PKD1L1: variants seen among roughly 807,000 people sequenced by gnomAD.
PKD1L1 encodes polycystin-1-like protein 1.
PKD1L1 carries 236 observed loss-of-function variants against 323.4 expected under a neutral mutation model. That is an observed-to-expected ratio of 0.73 (90% confidence interval 0.66 to 0.81). The LOEUF is 0.81. Ranked by LOEUF, PKD1L1 falls within the 40% of genes least tolerant of loss-of-function variation. PKD1L1 has a pLI of 0.00. For synonymous variants in PKD1L1, 1,344 were observed against 1,335.0 expected (o/e 1.01, Z -0.15); for missense variants, 3,320 against 3,508.0 (o/e 0.95, Z 1.35).
chr7:47,785,744 C>CTTT (rs58949004), intron 56 of PKD1L1, among the ~76,000 whole-genome samples: 8,103 of 141,070 alleles, frequency 0.057, 346 homozygotes, highest in East Asian at 0.19. Context: ...ATATTTCTTT[C>CTTT]TTTTTTTTTT....
At chr7:47,811,080 G>A (rs138044248) in intron 50 of PKD1L1, among the ~76,000 whole-genome samples, 1 of 152,070 alleles carries the variant, frequency 6.6e-6, no homozygotes, top group African/African-American at 2.4e-5. Flanking sequence ...TAGAGACCTC[G>A]CCAGAACCTC....
intron 8 of PKD1L1, among the ~76,000 whole-genome samples, chr7:47,912,284 G>C (rs1236093450): frequency 2.0e-5 from 3 of 152,030 alleles, no homozygotes; most frequent in Non-Finnish European, 4.4e-5. Context: ...AAGCGGATCA[G>C]ATGAAAAAGG....
chr7:47,957,411 A>G, the PKD1L1 span: 2 of 152,268 alleles, frequency 1.3e-5, no homozygotes, highest in African/African-American at 4.8e-5. Flanking sequence ...TGACACGATC[A>G]TAAGTAGAGA....
At chr7:47,929,550 C>T in intron 6 of PKD1L1, 24 bp from the exon 7 acceptor site, 1 of 1,586,030 alleles carries the variant, frequency 6.3e-7, no homozygotes. Context: ...GGAGAGGCTT[C>T]AGATTTCATG....
At chr7:47,803,537 C>T (rs964803539) in intron 52 of PKD1L1, among the ~76,000 whole-genome samples, 193 bp from the exon 53 acceptor site, 7 of 152,182 alleles carry the variant, frequency 4.6e-5, no homozygotes, top group African/African-American at 1.4e-4. Context: ...AAATACAAAT[C>T]GTAACGCATT....
intron 7 of PKD1L1, 64 bp downstream of exon 7, chr7:47,929,140 C>A: frequency 6.7e-7 from 1 of 1,499,710 alleles, no homozygotes; most frequent in African/African-American, 1.4e-5. Context: ...CCAACACTGC[C>A]TCTTGGGTCC....
At chr7:47,894,188 C>T in intron 14 of PKD1L1, 129 bp from the exon 15 acceptor site, 3 of 777,660 alleles carry the variant, frequency 3.9e-6, no homozygotes, top group Non-Finnish European at 5.9e-6. Flanking sequence ...CCAACTAAAA[C>T]AGTCTTGGTA....
intron 56 of PKD1L1, among the ~76,000 whole-genome samples, chr7:47,789,244 G>A (rs1052559418): frequency 1.3e-5 from 2 of 152,180 alleles, no homozygotes; most frequent in East Asian, 3.9e-4. Flanking sequence ...TGGAGGGATA[G>A]AACTTCAAAT....
At chr7:47,797,014 A>C (rs1295680453) in intron 54 of PKD1L1, among the ~76,000 whole-genome samples, 5 of 151,594 alleles carry the variant, frequency 3.3e-5, no homozygotes, top group Admixed American at 6.6e-5. Context: ...AAAAAAAAAA[A>C]AACACCCAAA....
At chr7:47,888,662 T>C (rs1264309443) in intron 16 of PKD1L1, among the ~76,000 whole-genome samples, 2 of 152,252 alleles carry the variant, frequency 1.3e-5, no homozygotes, top group African/African-American at 4.8e-5. Flanking sequence ...ATGTCTCCAC[T>C]GCCTCGGCCC....
chr7:47,867,182 G>A (rs963643450), intron 24 of PKD1L1, among the ~76,000 whole-genome samples: 3 of 152,210 alleles, frequency 2.0e-5, no homozygotes, highest in Non-Finnish European at 2.9e-5. Flanking sequence ...ACACACCGCA[G>A]TGGGTCATTG....
chr7:47,800,953 T>A, intron 53 of PKD1L1, 74 bp from the exon 54 acceptor site: 2 of 1,367,396 alleles, frequency 1.5e-6, no homozygotes, highest in Middle Eastern at 2.2e-4. Flanking sequence ...CTTCCAAATG[T>A]TGAAAATAGA....
chr7:47,811,713 G>T, intron 50 of PKD1L1, 104 bp downstream of exon 50: 1 of 864,944 alleles, frequency 1.2e-6, no homozygotes, highest in Non-Finnish European at 1.8e-6. Flanking sequence ...GGAGGGGCAG[G>T]TGAATGGGTA....
At chr7:47,886,179 C>A in intron 17 of PKD1L1, 125 bp from the exon 18 acceptor site, 1 of 1,279,266 alleles carries the variant, frequency 7.8e-7, no homozygotes, top group Non-Finnish European at 1.0e-6. Context: ...TGAAAACCTA[C>A]ACTTAAGAGA....
intron 24 of PKD1L1, among the ~76,000 whole-genome samples, chr7:47,867,709 G>C (rs1786196592): frequency 6.6e-6 from 1 of 151,988 alleles, no homozygotes; most frequent in African/African-American, 2.4e-5. Flanking sequence ...AAAAATCAAA[G>C]GAAGTTAGAA....
At chr7:47,823,555 A>T (rs1210390057) in intron 45 of PKD1L1, among the ~76,000 whole-genome samples, 1 of 152,194 alleles carries the variant, frequency 6.6e-6, no homozygotes, top group African/African-American at 2.4e-5. Context: ...AAATAACTTC[A>T]TCAGATTAAG....
chr7:47,879,127 G>A (rs1418437562), intron 21 of PKD1L1, among the ~76,000 whole-genome samples: 2 of 152,176 alleles, frequency 1.3e-5, no homozygotes, highest in Admixed American at 6.5e-5. Flanking sequence ...AACGTGGAAG[G>A]GGCAGGCAGA....
At position 47,840,822 on chromosome 7, in the gene PKD1L1, G is replaced by C. The variant is rs1459048489; in HGVS notation, c.5446-255C>G. On this transcript the variant is annotated intron_variant, in intron 34 of 56. Coordinates refer to ENST00000289672, the MANE Select transcript of PKD1L1 (RefSeq NM_138295.5). This position sits in a 1 kb window ranked among gnomAD's most constrained non-coding sequence, Gnocchi z 4.1. ...TTCCTCACCTATTTGATCTAGAAAA[G>C]CCAGATCCCAACTAGGATTCGGGAG... 1.3e-5 allele frequency among the ~76,000 whole-genome samples: 2 copies of C among 152,216 alleles called. No individual in the cohort carries two copies. The highest frequency in any genetic ancestry group is 2.9e-5 in the Non-Finnish European group (2 of 68,044).
intron 52 of PKD1L1, among the ~76,000 whole-genome samples, chr7:47,807,193 T>G (rs1178503814): frequency 1.3e-5 from 2 of 151,966 alleles, no homozygotes; most frequent in Non-Finnish European, 2.9e-5. Context: ...AAAAGCCAAA[T>G]CTTCTGCTTG....
Sources: allele counts gnomAD v4.1 joint callset (sites outside exome capture counted in the v4.1 genomes callset), GRCh38; gene constraint gnomAD v4.1.1; non-coding constraint Gnocchi (gnomAD v3.1); transcripts MANE v1.5; gene names NCBI Gene and HGNC (gene_info 2026-07-23, HGNC 2026-07-21).